PDE4B: variants seen among roughly 807,000 people sequenced by gnomAD.
PDE4B encodes 3',5'-cyclic-AMP phosphodiesterase 4B.
A neutral mutation model predicts 82.2 loss-of-function variants in PDE4B; 20 were observed. That is an observed-to-expected ratio of 0.24 (90% CI 0.17 to 0.35). The LOEUF is 0.35. Ranked by LOEUF, PDE4B falls within the 10% of genes least tolerant of loss-of-function variation. PDE4B has a pLI of 1.00. For synonymous variants in PDE4B, 320 were observed against 318.9 expected (o/e 1.00, Z -0.04); for missense variants, 655 against 907.2 (o/e 0.72, Z 3.57).
Position 66,234,477 on chromosome 1 carries a change from C to T in PDE4B, c.282-12983C>T, listed in dbSNP as rs542112415. On this transcript the variant is annotated intron_variant, in intron 3 of 16. Coordinates refer to ENST00000341517, the MANE Select transcript of PDE4B (RefSeq NM_002600.4). ...CTAATTTTTGTGTTTTTAGTAGAGA[C>T]AGGGTTTCACTATGTTAGCCAGGCT... is the stretch of plus-strand genomic sequence containing the variant. Among the ~76,000 whole-genome samples the T allele has an allele frequency of 3.3e-5, 5 of 152,224 alleles. No homozygotes were observed. The South Asian group carries it at 1.0e-3, about 32-fold the overall frequency.
chr1:65,920,689 G>T (rs1269852161), intron 3 of PDE4B, among the ~76,000 whole-genome samples: 1 of 152,028 alleles, frequency 6.6e-6, no homozygotes, highest in African/African-American at 2.4e-5. Context: ...GTTGATTTTT[G>T]TCCTCTTGAT....
intron 6 of PDE4B, among the ~76,000 whole-genome samples, chr1:66,261,037 A>C (rs1654642113): frequency 6.6e-6 from 1 of 152,200 alleles, no homozygotes; most frequent in Admixed American, 6.6e-5. Context: ...CCTTGTCACC[A>C]ACAAAAATTC....
intron 3 of PDE4B, among the ~76,000 whole-genome samples, chr1:66,019,846 G>A (rs1652990047): frequency 6.6e-6 from 1 of 152,070 alleles, no homozygotes; most frequent in Non-Finnish European, 1.5e-5. Context: ...CCAGTTTGAG[G>A]AACTAGTTGA....
At chr1:66,195,965 A>G (rs1648264585) in intron 3 of PDE4B, among the ~76,000 whole-genome samples, 1 of 152,104 alleles carries the variant, frequency 6.6e-6, no homozygotes, top group African/African-American at 2.4e-5. Flanking sequence ...GCTGGCTGAT[A>G]TGATTTACAA....
chr1:66,073,753 C>G (rs911590269), intron 3 of PDE4B, among the ~76,000 whole-genome samples: 1 of 152,146 alleles, frequency 6.6e-6, no homozygotes, highest in Non-Finnish European at 1.5e-5. Flanking sequence ...AAATTCTTCT[C>G]TGGCACCCCT....
At chr1:66,183,152 C>A (rs1048429449) in intron 3 of PDE4B, among the ~76,000 whole-genome samples, 21 of 152,148 alleles carry the variant, frequency 1.4e-4, no homozygotes, top group African/African-American at 4.3e-4. Context: ...TCTTCACAGG[C>A]AGCCTTTTGT....
intron 1 of PDE4B, among the ~76,000 whole-genome samples, chr1:65,891,191 G>A (rs1252937412): frequency 6.6e-6 from 1 of 152,068 alleles, no homozygotes; most frequent in Non-Finnish European, 1.5e-5. Context: ...CAGGACCCTT[G>A]AGACCAGAAA....
chr1:66,260,089 T>C (rs1002410347), intron 6 of PDE4B, among the ~76,000 whole-genome samples: 1 of 152,200 alleles, frequency 6.6e-6, no homozygotes, highest in Non-Finnish European at 1.5e-5. Flanking sequence ...TCTTGCTGAA[T>C]CCAGAAGTGG....
intron 3 of PDE4B, among the ~76,000 whole-genome samples, chr1:66,185,779 G>A (rs1647183309): frequency 6.6e-6 from 1 of 151,912 alleles, no homozygotes; most frequent in African/African-American, 2.4e-5. Flanking sequence ...CTCCCATTCT[G>A]TAGGTTGCCT....
At chr1:66,002,323 A>T (rs1651910854) in intron 3 of PDE4B, among the ~76,000 whole-genome samples, 2 of 152,140 alleles carry the variant, frequency 1.3e-5, no homozygotes, top group Admixed American at 1.3e-4. Context: ...TGTATCAATA[A>T]ACTTTGCAAA....
At chr1:65,990,873 A>G (rs1042634422) in intron 3 of PDE4B, among the ~76,000 whole-genome samples, 1 of 152,188 alleles carries the variant, frequency 6.6e-6, no homozygotes, top group Non-Finnish European at 1.5e-5. Flanking sequence ...GCTTTTGTTC[A>G]TAATATATTT....
At chr1:65,810,693 C>T (rs1320458191) in intron 1 of PDE4B, among the ~76,000 whole-genome samples, 1 of 152,130 alleles carries the variant, frequency 6.6e-6, no homozygotes, top group Non-Finnish European at 1.5e-5. Context: ...CTATCTGACT[C>T]CAAAGCCTAT....
At chr1:66,361,289 C>T (rs936411044) in intron 9 of PDE4B, among the ~76,000 whole-genome samples, 2 of 152,134 alleles carry the variant, frequency 1.3e-5, no homozygotes, top group African/African-American at 4.8e-5. Flanking sequence ...TCCTTATACA[C>T]TCCTTATATA....
At chr1:65,884,468 G>A (rs894967395) in intron 1 of PDE4B, among the ~76,000 whole-genome samples, 4 of 152,060 alleles carry the variant, frequency 2.6e-5, no homozygotes, top group African/African-American at 9.7e-5. Flanking sequence ...TATACTACAA[G>A]GCCATGGTAA....
At chr1:66,234,349 C>T (rs758546536) in intron 3 of PDE4B, among the ~76,000 whole-genome samples, 3 of 152,170 alleles carry the variant, frequency 2.0e-5, no homozygotes, top group Non-Finnish European at 4.4e-5. Flanking sequence ...AGTGCAATGG[C>T]AGGATGTTGG....
intron 3 of PDE4B, among the ~76,000 whole-genome samples, chr1:65,984,203 T>C (rs570762771): frequency 1.3e-5 from 2 of 152,310 alleles, no homozygotes; most frequent in East Asian, 3.9e-4. Context: ...TTCAAGGACA[T>C]TGTGCTGAAT....
At chr1:66,254,276 A>G (rs1654018989) in intron 4 of PDE4B, among the ~76,000 whole-genome samples, 1 of 152,064 alleles carries the variant, frequency 6.6e-6, no homozygotes, top group Non-Finnish European at 1.5e-5. Context: ...GAAAGAAAAG[A>G]ATCAGAACAA....
At chr1:66,162,182 C>G (rs903124089) in intron 3 of PDE4B, among the ~76,000 whole-genome samples, 1 of 151,886 alleles carries the variant, frequency 6.6e-6, no homozygotes, top group African/African-American at 2.4e-5. Context: ...GTGGTCAGTG[C>G]TAAGGTGCCC....
intron 6 of PDE4B, among the ~76,000 whole-genome samples, chr1:66,258,577 G>A (rs6667812): frequency 0.14 from 21,767 of 152,124 alleles, 4,206 homozygotes; most frequent in African/African-American, 0.44. Flanking sequence ...GGAATGAGAG[G>A]ACTGGAGGAG....
Sources: gnomAD v4.1 joint callset for allele counts (sites outside exome capture counted in the v4.1 genomes callset) on GRCh38, gnomAD v4.1.1 for gene constraint, MANE v1.5 for transcripts, NCBI Gene and HGNC (gene_info 2026-07-23, HGNC 2026-07-21) for gene names.